AHI1: variants seen among roughly 807,000 people sequenced by gnomAD.
The protein encoded by AHI1 is Abelson helper integration site 1, also known as jouberin.
Under a neutral mutation model 149.3 loss-of-function variants are expected in AHI1, and 123 were observed. That is an observed-to-expected ratio of 0.82 (90% CI 0.71 to 0.96). The LOEUF (loss-of-function observed/expected upper bound fraction) is 0.96, where lower values mean the gene tolerates loss of function less well. Among genes scored for constraint, AHI1 ranks in the 40% least tolerant of loss-of-function variants. AHI1 has a pLI of 0.00. For missense variants in AHI1, 1,439 were observed against 1,422.7 expected, an observed-to-expected ratio of 1.01 and a Z score of -0.18; for synonymous variants, 475 against 459.8, an observed-to-expected ratio of 1.03 and a Z score of -0.42.
At chr6:135,455,011 TAC>T (rs1380693587) in intron 10 of AHI1, among the ~76,000 whole-genome samples, 4 of 152,196 alleles carry the variant, frequency 2.6e-5, no homozygotes, top group Non-Finnish European at 5.9e-5. Context: ...CCATCTAGCT[TAC>T]ACTGGAAGGG....
intron 26 of AHI1, chr6:135,302,624 G>A: frequency 8.7e-7 from 1 of 1,143,982 alleles, no homozygotes; most frequent in Non-Finnish European, 1.1e-6. Context: ...AGTTAGAAGG[G>A]GGTCCACATT....
At chr6:135,377,878 T>C (rs994560223) in intron 23 of AHI1, among the ~76,000 whole-genome samples, 2 of 152,036 alleles carry the variant, frequency 1.3e-5, no homozygotes. Context: ...TTCCTAAACA[T>C]AAGAGAAAGC....
intron 3 of AHI1, 116 bp from the exon 4 acceptor site, chr6:135,492,407 A>T: frequency 7.5e-7 from 1 of 1,325,562 alleles, no homozygotes; most frequent in Non-Finnish European, 9.7e-7. Flanking sequence ...GTTTATACCA[A>T]TAAAGCTATG....
At chr6:135,334,313 A>T (rs1789046236) in intron 24 of AHI1, among the ~76,000 whole-genome samples, 1 of 152,190 alleles carries the variant, frequency 6.6e-6, no homozygotes, top group South Asian at 2.1e-4. Flanking sequence ...AAGCCCTTAC[A>T]AAAGAAACCC....
chr6:135,442,474 A>G (rs1786458063), intron 14 of AHI1, 108 bp downstream of exon 14: 4 of 1,153,016 alleles, frequency 3.5e-6, no homozygotes, highest in Non-Finnish European at 4.6e-6. Flanking sequence ...TCTTTAATTT[A>G]GTAGTACAGG....
At chr6:135,303,363 C>T (rs1009831147) in intron 26 of AHI1, among the ~76,000 whole-genome samples, 9 of 152,080 alleles carry the variant, frequency 5.9e-5, no homozygotes, top group African/African-American at 1.7e-4. Flanking sequence ...TTTTTACATG[C>T]GGCTTATATA....
At chr6:135,322,609 C>G (rs375380962) in intron 25 of AHI1, among the ~76,000 whole-genome samples, 1 of 152,180 alleles carries the variant, frequency 6.6e-6, no homozygotes, top group African/African-American at 2.4e-5. Context: ...TTTGTCAACA[C>G]GTGCACATAA....
chr6:135,377,006 A>C (rs1776049908), intron 23 of AHI1, among the ~76,000 whole-genome samples: 1 of 151,692 alleles, frequency 6.6e-6, no homozygotes, highest in East Asian at 1.9e-4. Context: ...ACGACAAGCA[A>C]TTTAAGTATG....
At chr6:135,471,741 G>A (rs143616471) in intron 5 of AHI1, among the ~76,000 whole-genome samples, 46 of 151,918 alleles carry the variant, frequency 3.0e-4, no homozygotes, top group African/African-American at 1.0e-3. Flanking sequence ...GGCCGGGCGC[G>A]GTGGCTCACG....
At chr6:135,448,167 A>C in intron 12 of AHI1, 123 bp downstream of exon 12, 1 of 603,932 alleles carries the variant, frequency 1.7e-6, no homozygotes, top group Non-Finnish European at 2.5e-6. Flanking sequence ...CTTAATATAT[A>C]ACCCCAGAAA....
chr6:135,486,486 T>G (rs2128129331), intron 5 of AHI1, among the ~76,000 whole-genome samples: 1 of 152,330 alleles, frequency 6.6e-6, no homozygotes, highest in South Asian at 2.1e-4. Flanking sequence ...CACTAACATC[T>G]TAATATTGAC....
chr6:135,364,139 G>A (rs1042416132), intron 23 of AHI1, among the ~76,000 whole-genome samples: 9 of 151,814 alleles, frequency 5.9e-5, no homozygotes, highest in African/African-American at 2.2e-4. Flanking sequence ...CCCAGACAGG[G>A]TGGCTGCTGG....
rs1201635886 is a variant in AHI1, at chr6:135,462,825, CG to C, written c.931+299del. ...CCGAGGCAGGAGAATCGCTTTAACCCGGGAGGTGGAGGTTGCAATGAGCCGA... is the reference window on the plus strand; with the variant it reads ...CCGAGGCAGGAGAATCGCTTTAACCCGGAGGTGGAGGTTGCAATGAGCCGA... On this transcript the variant is annotated intron_variant, in intron 8 of 28. Transcript: ENST00000265602. 4.6e-5 allele frequency among the ~76,000 whole-genome samples: 7 copies of C among 152,028 alleles called. No individual in the cohort carries two copies. The East Asian group carries it at 1.4e-3, about 29-fold the overall frequency.
intron 26 of AHI1, among the ~76,000 whole-genome samples, chr6:135,313,735 G>T (rs765358459): frequency 6.6e-6 from 1 of 152,128 alleles, no homozygotes; most frequent in Non-Finnish European, 1.5e-5. Flanking sequence ...CAAGTAGGAG[G>T]TCCCTATCCA....
At chr6:135,375,879 G>A (rs985670247) in intron 23 of AHI1, among the ~76,000 whole-genome samples, 9 of 152,242 alleles carry the variant, frequency 5.9e-5, no homozygotes, top group Non-Finnish European at 7.4e-5. Flanking sequence ...CAGCTCTGGG[G>A]TAGGGATAGT....
At chr6:135,294,820 A>T (rs1782880837) in intron 27 of AHI1, among the ~76,000 whole-genome samples, 1 of 151,982 alleles carries the variant, frequency 6.6e-6, no homozygotes, top group Non-Finnish European at 1.5e-5. Flanking sequence ...AAAAAATTAT[A>T]AAACTTCTAC....
chr6:135,493,395 T>C (rs1339574789), intron 3 of AHI1, among the ~76,000 whole-genome samples: 1 of 152,242 alleles, frequency 6.6e-6, no homozygotes, highest in African/African-American at 2.4e-5. Context: ...AAGGAATGAT[T>C]ATGTAAACAT....
At chr6:135,388,134 C>A in intron 23 of AHI1, 1 of 1,333,334 alleles carries the variant, frequency 7.5e-7, no homozygotes, top group South Asian at 1.3e-5. Context: ...CTATAGAAAT[C>A]AGTTAATTTT....
intron 27 of AHI1, among the ~76,000 whole-genome samples, chr6:135,292,131 CACAT>C (rs937730532): frequency 2.6e-4 from 39 of 151,890 alleles, no homozygotes; most frequent in Non-Finnish European, 4.4e-4. Context: ...CACACACACA[CACAT>C]ACACAAACAC....
Sources: allele counts gnomAD v4.1 joint callset (sites outside exome capture counted in the v4.1 genomes callset), GRCh38; gene constraint gnomAD v4.1.1; transcripts MANE v1.5; gene names NCBI Gene and HGNC (gene_info 2026-07-23, HGNC 2026-07-21).